Variants in GRIP1 observed in about 807,000 individuals in gnomAD.
GRIP1 encodes glutamate receptor interacting protein 1.
A neutral mutation model predicts 129.9 loss-of-function variants in GRIP1; 45 were observed. The observed-to-expected ratio is 0.35, with a 90% CI of 0.27 to 0.44. The LOEUF (loss-of-function observed/expected upper bound fraction) is 0.44. Ranked by LOEUF, GRIP1 falls within the 20% of genes least tolerant of loss-of-function variation. The pLI is 1.00. For synonymous variants in GRIP1, 530 were observed against 520.8 expected (o/e 1.02, Z -0.24); for missense variants, 1,196 against 1,396.8 (o/e 0.86, Z 2.29).
chr12:66,759,559 C>G (rs944379534), intron 1 of GRIP1, among the ~76,000 whole-genome samples: 1 of 152,322 alleles, frequency 6.6e-6, no homozygotes, highest in East Asian at 1.9e-4. Context: ...TCTACTGCAT[C>G]ATCAGGCTGC....
At chr12:66,415,931 T>C (rs531329804) in intron 15 of GRIP1, among the ~76,000 whole-genome samples, 2 of 152,118 alleles carry the variant, frequency 1.3e-5, no homozygotes, top group South Asian at 4.2e-4. Flanking sequence ...GGTGAGGTGA[T>C]GGGAGGGAGA....
At chr12:66,718,961 AC>A (rs2136435935) in intron 1 of GRIP1, among the ~76,000 whole-genome samples, 1 of 152,248 alleles carries the variant, frequency 6.6e-6, no homozygotes, top group Admixed American at 6.5e-5. Flanking sequence ...CTCATAGAGC[AC>A]CTTTGAGATC....
chr12:66,509,848 C>T (rs1183375589), intron 7 of GRIP1, among the ~76,000 whole-genome samples: 1 of 151,904 alleles, frequency 6.6e-6, no homozygotes, highest in East Asian at 1.9e-4. Flanking sequence ...GGATGCTGGG[C>T]TTAATACTTA....
chr12:66,787,754 C>T (rs567474867), intron 1 of GRIP1, among the ~76,000 whole-genome samples: 18 of 152,164 alleles, frequency 1.2e-4, no homozygotes, highest in Non-Finnish European at 2.1e-4. Flanking sequence ...ATGAGAAATA[C>T]ATTTCTGTTG....
chr12:66,844,480 G>A (rs1046858213), intron 1 of GRIP1, among the ~76,000 whole-genome samples: 19 of 152,248 alleles, frequency 1.2e-4, no homozygotes, highest in Admixed American at 1.2e-3. Flanking sequence ...CTGACGATGT[G>A]GAGAAATTGG....
At position 66,528,435 on chromosome 12, in the gene GRIP1, C is replaced by A. The variant is rs1418422855; in HGVS notation, c.502+1396G>T. On this transcript the variant is annotated intron_variant, in intron 5 of 24. Coordinates refer to ENST00000359742, the MANE Select transcript of GRIP1 (RefSeq NM_001366722.1). Reference sequence around the variant, plus strand: ...TACAGGCGTGAGTCACTGTGCCCGGCCTAGAATTAGTAGTTTTATGATAAG... The same window carrying A: ...TACAGGCGTGAGTCACTGTGCCCGGACTAGAATTAGTAGTTTTATGATAAG... Among the ~76,000 whole-genome samples, 3 of 152,178 alleles carry A rather than the reference C, an allele frequency of 2.0e-5. No homozygotes were observed. The East Asian group carries it at 5.8e-4, about 29-fold the overall frequency.
chr12:66,613,226 T>C (rs1423028172), intron 1 of GRIP1, among the ~76,000 whole-genome samples: 1 of 152,156 alleles, frequency 6.6e-6, no homozygotes, highest in Non-Finnish European at 1.5e-5. Flanking sequence ...ATTACCACTT[T>C]AATAGGGCCC....
chr12:66,662,611 C>T (rs575210847), intron 1 of GRIP1, among the ~76,000 whole-genome samples: 63 of 152,156 alleles, frequency 4.1e-4, no homozygotes, highest in Non-Finnish European at 7.1e-4. Context: ...TATACAAGCC[C>T]GTCCCTTCCT....
chr12:66,770,853 T>C (rs2037795441), intron 1 of GRIP1, among the ~76,000 whole-genome samples: 2 of 152,214 alleles, frequency 1.3e-5, no homozygotes, highest in African/African-American at 4.8e-5. Context: ...CCCAGCACTT[T>C]GGGAGGCCGA....
intron 1 of GRIP1, among the ~76,000 whole-genome samples, chr12:66,674,581 A>G (rs936221824): frequency 6.6e-6 from 1 of 152,182 alleles, no homozygotes; most frequent in Non-Finnish European, 1.5e-5. Context: ...AGTTTATCAG[A>G]CAAACTGTGA....
intron 15 of GRIP1, among the ~76,000 whole-genome samples, chr12:66,412,639 A>T (rs1289831902): frequency 6.6e-6 from 1 of 152,142 alleles, no homozygotes; most frequent in Non-Finnish European, 1.5e-5. Flanking sequence ...TCAACACTAA[A>T]CTTAAATGTA....
intron 7 of GRIP1, among the ~76,000 whole-genome samples, chr12:66,495,332 C>A (rs1212117645): frequency 6.6e-6 from 1 of 152,152 alleles, no homozygotes; most frequent in Non-Finnish European, 1.5e-5. Flanking sequence ...CAGGAGGGAG[C>A]CAGACAGCTT....
At chr12:66,365,817 G>A (rs2055107219) in intron 23 of GRIP1, among the ~76,000 whole-genome samples, 1 of 152,226 alleles carries the variant, frequency 6.6e-6, no homozygotes, top group Admixed American at 6.5e-5. Flanking sequence ...GTCTCACTGT[G>A]TGAGTTTCTG....
intron 1 of GRIP1, among the ~76,000 whole-genome samples, chr12:67,058,780 T>A (rs563911390): frequency 6.6e-6 from 1 of 152,202 alleles, no homozygotes; most frequent in Admixed American, 6.5e-5. Flanking sequence ...GGCAAAGGAA[T>A]AGGATTCTTG....
chr12:66,826,566 G>A (rs1002738541), intron 1 of GRIP1, among the ~76,000 whole-genome samples: 1 of 151,976 alleles, frequency 6.6e-6, no homozygotes, highest in Middle Eastern at 3.2e-3. Flanking sequence ...GTTATTTTAT[G>A]GTAATTGAAT....
In GRIP1 at chr12:66,585,998, C is replaced by T. The variant is rs545817695; in HGVS notation, c.136+10849G>A. On this transcript the variant is annotated intron_variant, in intron 2 of 24. Coordinates refer to ENST00000359742, the MANE Select transcript of GRIP1 (RefSeq NM_001366722.1). ...TTTTCTCTCATTCCACTATATCATC[C>T]GCATCAGCACACGAACATGCTGCAT... is the stretch of plus-strand genomic sequence containing the variant. Among the ~76,000 whole-genome samples the T allele has an allele frequency of 5.3e-5, 8 of 152,208 alleles. No homozygotes were observed. The East Asian group carries it at 7.7e-4, about 15-fold the overall frequency.
chr12:66,846,789 G>A (rs2039824840), intron 1 of GRIP1, among the ~76,000 whole-genome samples: 1 of 152,100 alleles, frequency 6.6e-6, no homozygotes, highest in South Asian at 2.1e-4. Flanking sequence ...ACACCACAGG[G>A]GGCCATGTGG....
rs2040690094 is a variant in GRIP1, at chr12:66,893,160, G to A, written c.58+175890C>T. 2.0e-5 allele frequency among the ~76,000 whole-genome samples: 3 copies of A among 152,122 alleles called. No homozygotes were observed. The South Asian group carries it at 6.2e-4, about 32-fold the overall frequency. Reference sequence around the variant, plus strand: ...CATGTTATATAAGTGGAACCATACAGTATAAAACCTTTTGGAATTGGCTTT... The same window carrying A: ...CATGTTATATAAGTGGAACCATACAATATAAAACCTTTTGGAATTGGCTTT... On this transcript the variant is annotated intron_variant, in intron 1 of 1. Coordinates refer to the GRIP1 transcript ENST00000643019.
chr12:66,794,693 A>G lies in GRIP1; in HGVS notation c.-420+9360T>C, dbSNP rs144421253. On this transcript the variant is annotated intron_variant, in intron 1 of 4. Transcript: ENST00000538373. ...ATTACTCTGTTGTTAGAGATATTAAATTTATGTAAAATCAGAGGGCTGGAT... is the reference window on the plus strand; with the variant it reads ...ATTACTCTGTTGTTAGAGATATTAAGTTTATGTAAAATCAGAGGGCTGGAT... 2.6e-5 allele frequency among the ~76,000 whole-genome samples: 4 copies of G among 152,338 alleles called. No individual in the cohort carries two copies. In the East Asian group the frequency reaches 7.7e-4, roughly 29 times the overall value.
Sources: gnomAD v4.1 joint callset for allele counts (sites outside exome capture counted in the v4.1 genomes callset) on GRCh38, gnomAD v4.1.1 for gene constraint, MANE v1.5 for transcripts, NCBI Gene and HGNC (gene_info 2026-07-23, HGNC 2026-07-21) for gene names.